MACF1: variants seen among roughly 807,000 people sequenced by gnomAD.
MACF1 encodes the protein microtubule-actin cross-linking factor 1.
In MACF1, 193 loss-of-function variants were observed where a neutral mutation model predicts 854.8. The ratio of observed to expected loss-of-function variants is 0.23; its 90% CI spans 0.20 to 0.25. The LOEUF (loss-of-function observed/expected upper bound fraction) is 0.25. Ranked by LOEUF, MACF1 falls within the 10% of genes least tolerant of loss-of-function variation. The pLI is 1.00. For synonymous variants in MACF1, 3,185 were observed against 3,226.7 expected, an observed-to-expected ratio of 0.99 and a Z score of 0.44; for missense variants, 7,722 against 8,929.1, an observed-to-expected ratio of 0.86 and a Z score of 5.45.
In MACF1 at chr1:39,322,337, T is replaced by C. The variant is rs571975538; in HGVS notation, c.4030-271T>C. On this transcript the variant is annotated intron_variant, in intron 31 of 100. Coordinates refer to ENST00000564288, the MANE Select transcript of MACF1 (RefSeq NM_001394062.1). ...ATAATATTTTATGATGTGAAAATAA[T>C]ATGAACTTCAGTTTTTAGTGTTCAT... Among the ~76,000 whole-genome samples, 4 of 152,290 alleles carry C rather than the reference T, an allele frequency of 2.6e-5. No individual in the cohort carries two copies. In the South Asian group the frequency reaches 8.3e-4, roughly 32 times the overall value.
intron 2 of MACF1, among the ~76,000 whole-genome samples, chr1:39,242,349 CAA>C (rs759843162): frequency 2.4e-4 from 27 of 114,508 alleles, no homozygotes; most frequent in East Asian, 2.5e-4. Flanking sequence ...GACTCTGCCT[CAA>C]AAAAAAAAAA....
chr1:39,247,180 C>T (rs1371131549), intron 2 of MACF1, among the ~76,000 whole-genome samples: 3 of 146,552 alleles, frequency 2.0e-5, no homozygotes, highest in Non-Finnish European at 4.4e-5. Context: ...TCACGCCATT[C>T]TCCTGCCTCA....
chr1:39,094,564 C>T (rs1412493270), intron 2 of MACF1, among the ~76,000 whole-genome samples: 1 of 151,834 alleles, frequency 6.6e-6, no homozygotes, highest in Non-Finnish European at 1.5e-5. Flanking sequence ...ACTAAAAATA[C>T]AAAATTAGCC....
intron 26 of MACF1, 77 bp downstream of exon 26, chr1:39,311,077 A>G: frequency 1.3e-6 from 2 of 1,493,924 alleles, no homozygotes; most frequent in Non-Finnish European, 1.8e-6. Flanking sequence ...AGAGTATGGC[A>G]CCTAAGAAAT....
chr1:39,190,396 TTTTTG>T lies in MACF1; in HGVS notation c.221-40781_221-40777del, dbSNP rs1390168610. 4.7e-4 allele frequency among the ~76,000 whole-genome samples: 24 copies of T among 51,470 alleles called. No individual in the cohort carries two copies. The East Asian group carries it at 6.7e-3, about 14-fold the overall frequency. 33.8% of individuals were successfully genotyped at this position (51,470 alleles called of 152,430 possible). On this transcript the variant is annotated intron_variant, in intron 2 of 93. Coordinates refer to the MACF1 transcript ENST00000361689. ...GTGTGTGTGTGTGTGTGTGTGTTTG[TTTTTG>T]TTTTTTTTTTTTTTTTTTGATGGAA...
chr1:39,412,598 A>C (rs775386603), intron 58 of MACF1: 129 of 1,613,932 alleles, frequency 8.0e-5, no homozygotes, highest in Non-Finnish European at 1.0e-4. Flanking sequence ...GATGGAGTGG[A>C]AACTGTGAAT....
At chr1:39,459,642 G>C (rs1222906926) in intron 91 of MACF1, among the ~76,000 whole-genome samples, 1 of 152,178 alleles carries the variant, frequency 6.6e-6, no homozygotes, top group Non-Finnish European at 1.5e-5. Context: ...AGATGCTACA[G>C]AATTATGAAA....
intron 24 of MACF1, 95 bp downstream of exon 24, chr1:39,309,791 A>T: frequency 7.3e-7 from 1 of 1,377,000 alleles, no homozygotes; most frequent in Non-Finnish European, 1.0e-6. Flanking sequence ...TCCCCACCCA[A>T]ATGGAGTAAA....
At chr1:39,092,932 G>A (rs926883767) in intron 2 of MACF1, among the ~76,000 whole-genome samples, 6 of 151,962 alleles carry the variant, frequency 3.9e-5, no homozygotes, top group Non-Finnish European at 8.8e-5. Context: ...ACAGGTGCCT[G>A]ACACCATGCC....
chr1:39,288,566 G>A (rs982298555), intron 15 of MACF1, among the ~76,000 whole-genome samples: 1 of 151,584 alleles, frequency 6.6e-6, no homozygotes, highest in Non-Finnish European at 1.5e-5. Flanking sequence ...TTGGGAGGCC[G>A]AGGTGGGCGG....
At chr1:39,303,179 G>A (rs948827508) in intron 23 of MACF1, 101 bp downstream of exon 23, 7 of 1,358,082 alleles carry the variant, frequency 5.2e-6, no homozygotes, top group Non-Finnish European at 6.9e-6. Context: ...TGAACACAGT[G>A]GTAAAGTTCC....
intron 2 of MACF1, among the ~76,000 whole-genome samples, chr1:39,180,078 A>G (rs774705700): frequency 1.8e-4 from 28 of 151,990 alleles, no homozygotes; most frequent in Admixed American, 5.2e-4. Flanking sequence ...TCTAGTAAGG[A>G]GCTTGGAGGG....
intron 55 of MACF1, 146 bp from the exon 56 acceptor site, chr1:39,381,807 G>T (rs893161748): frequency 7.6e-6 from 5 of 659,950 alleles, no homozygotes; most frequent in African/African-American, 5.4e-5. Flanking sequence ...TATCCTGGGT[G>T]ATAGAGTGAG....
intron 77 of MACF1, 36 bp downstream of exon 77, chr1:39,442,603 G>T: frequency 1.2e-6 from 2 of 1,613,020 alleles, no homozygotes; most frequent in South Asian, 2.2e-5. Flanking sequence ...TAACCCTATT[G>T]ATTTGAGACC....
chr1:39,357,632 A>G lies in MACF1; in HGVS notation c.11682A>G (p.Glu3894=). Reference sequence around the variant, plus strand: ...ATAAAGAGTTTGAAAGCTGGTTGGAACGATCCGAGAAAGAGCTGGAGAACA... The same window carrying G: ...ATAAAGAGTTTGAAAGCTGGTTGGAGCGATCCGAGAAAGAGCTGGAGAACA... ...QDHKEFESWL[E]RSEKELENMH... is the part of the protein sequence containing the mutation. Residue 3894 remains glutamate, a synonymous_variant, in exon 45 of 101, where the codon GAA becomes GAG. Transcript: ENST00000564288. 1.2e-6 allele frequency: 2 copies of G among 1,614,154 alleles called. No homozygotes were observed. The highest frequency in any genetic ancestry group is 1.3e-5 in the African/African-American group (1 of 75,036).
chr1:39,443,633 A>G, intron 79 of MACF1, 59 bp downstream of exon 79: 1 of 1,497,206 alleles, frequency 6.7e-7, no homozygotes, highest in Non-Finnish European at 9.0e-7. Flanking sequence ...CTCCTTTCCA[A>G]GTTCACAGTC....
intron 58 of MACF1, among the ~76,000 whole-genome samples, chr1:39,397,425 G>C (rs1642315424): frequency 6.6e-6 from 1 of 152,094 alleles, no homozygotes; most frequent in African/African-American, 2.4e-5. Context: ...AGCCGGGCGT[G>C]GTGGCGAGCG....
chr1:39,448,194 C>T (rs773417713), intron 83 of MACF1, 42 bp downstream of exon 83: 1 of 1,569,610 alleles, frequency 6.4e-7, no homozygotes, highest in Non-Finnish European at 8.6e-7. Flanking sequence ...CCATAGTATT[C>T]GCTAAAGCTT....
At chr1:39,404,525 T>C (rs1642616913) in intron 58 of MACF1, among the ~76,000 whole-genome samples, 1 of 151,912 alleles carries the variant, frequency 6.6e-6, no homozygotes, top group South Asian at 2.1e-4. Flanking sequence ...AGGATCTCAC[T>C]CTGTCGCCAG....
Sources: gnomAD v4.1 joint callset for allele counts (sites outside exome capture counted in the v4.1 genomes callset) on GRCh38, gnomAD v4.1.1 for gene constraint, MANE v1.5 for transcripts, NCBI Gene and HGNC (gene_info 2026-07-23, HGNC 2026-07-21) for gene names.